GOLGA1: variants seen among roughly 807,000 people sequenced by gnomAD.
GOLGA1 encodes golgin subfamily A member 1.
A neutral mutation model predicts 119.7 loss-of-function variants in GOLGA1; 63 were observed. The observed-to-expected ratio is 0.53, with a 90% CI of 0.43 to 0.65. GOLGA1 has a LOEUF of 0.65. Ranked by LOEUF, GOLGA1 falls within the 30% of genes least tolerant of loss-of-function variation. The pLI, the probability that GOLGA1 is intolerant of heterozygous loss-of-function variation, is 0.00. For synonymous variants in GOLGA1, 318 were observed against 333.4 expected, an observed-to-expected ratio of 0.95 and a Z score of 0.50; for missense variants, 798 against 912.8, an observed-to-expected ratio of 0.87 and a Z score of 1.62.
chr9:124,917,874 C>T (rs764645810), intron 10 of GOLGA1, among the ~76,000 whole-genome samples: 14 of 151,632 alleles, frequency 9.2e-5, no homozygotes, highest in Non-Finnish European at 1.5e-4. Context: ...TTTTTTGAGA[C>T]GGAGTTTCGC....
rs185403871 is a variant in GOLGA1, at chr9:124,919,936, A to G, written c.843+1193T>C. On this transcript the variant is annotated intron_variant, in intron 10 of 22. Transcript: ENST00000373555. ...TGGGAAATACTACTTTATTTTATTT[A>G]TATTTATTTATTTATTTATTTATTT... 2.0e-5 allele frequency among the ~76,000 whole-genome samples: 3 copies of G among 151,614 alleles called. No individual in the cohort carries two copies. In the South Asian group the frequency reaches 6.2e-4, roughly 32 times the overall value.
In GOLGA1 at chr9:124,947,648, ATATACAAAAAG is replaced by A. The variant is rs1368241777; in HGVS notation, c.-156+259_-156+269del. 3.3e-5 allele frequency: 5 copies of A among 152,342 alleles called. No homozygotes were observed. In the East Asian group the frequency reaches 9.6e-4, roughly 29 times the overall value. The allele number at this position is 152,342 out of a possible 1,614,324, so 9.4% of individuals were successfully genotyped here. A position where few individuals can be genotyped will look rare whatever the true frequency, so the allele number is the denominator to read the frequency against. The stretch of plus-strand genomic sequence containing the variant: ...AATATATTTACAAATATGTATACAT[ATATACAAAAAG>A]TATACACAGAGATTGCATGTAGCAT... On this transcript the variant is annotated intron_variant, in intron 1 of 4. Transcript: ENST00000421514.
chr9:124,911,598 C>T (rs55977784), intron 11 of GOLGA1, among the ~76,000 whole-genome samples: 3,096 of 152,300 alleles, frequency 0.02, 47 homozygotes, highest in Non-Finnish European at 0.032. Context: ...GGGAAGAGGG[C>T]AGTGCAGAAA....
In GOLGA1 at chr9:124,894,031, T is replaced by C. The variant is rs534903715; in HGVS notation, c.1408-3553A>G. ...ATTCCCTACGACTCTACGGTGACTA[T>C]TCTTCCCAGCGTTGCCAACAAACTC... On this transcript the variant is annotated intron_variant, in intron 15 of 22. Coordinates refer to ENST00000373555, the MANE Select transcript of GOLGA1 (RefSeq NM_002077.4). 5.9e-5 allele frequency among the ~76,000 whole-genome samples: 9 copies of C among 152,348 alleles called. 1 individual carries two copies. Among genetic ancestry groups the C allele is most frequent in the African/African-American group, 2.2e-4 (9 of 41,580 alleles).
At position 124,917,856 on chromosome 9, in the gene GOLGA1, T is replaced by C. The variant is rs528536797; in HGVS notation, c.843+3273A>G. Among the ~76,000 whole-genome samples, 73 of 150,830 alleles carry C rather than the reference T, an allele frequency of 4.8e-4. 1 individual carries two copies. The highest frequency in any genetic ancestry group is 2.3e-3 in the South Asian group (11 of 4,726). ...AACTGGATCTGATCTGATATATATATATATTTTTTTTTTGAGACGGAGTTT... is the reference window on the plus strand; with the variant it reads ...AACTGGATCTGATCTGATATATATACATATTTTTTTTTTGAGACGGAGTTT... On this transcript the variant is annotated intron_variant, in intron 10 of 22. Coordinates refer to ENST00000373555, the MANE Select transcript of GOLGA1 (RefSeq NM_002077.4).
intron 3 of GOLGA1, among the ~76,000 whole-genome samples, chr9:124,932,512 C>T (rs1363834396): frequency 6.6e-6 from 1 of 152,266 alleles, no homozygotes; most frequent in South Asian, 2.1e-4. Flanking sequence ...CTTCTCTGTG[C>T]ACTGGTTTCC....
chr9:124,903,651 CAAAAAAAAAAA>C (rs11435294), intron 12 of GOLGA1, among the ~76,000 whole-genome samples: 4 of 91,282 alleles, frequency 4.4e-5, no homozygotes, highest in African/African-American at 1.3e-4. Flanking sequence ...AGAAAAAGAC[CAAAAAAAAAAA>C]AAAAAAAAAA....
chr9:124,906,801 T>C (rs1445395086), intron 12 of GOLGA1, among the ~76,000 whole-genome samples: 1 of 152,140 alleles, frequency 6.6e-6, no homozygotes, highest in Non-Finnish European at 1.5e-5. Flanking sequence ...CTCTAAAGTT[T>C]CTAGGAATTA....
Position 124,927,028 on chromosome 9 carries a change from G to T in GOLGA1, c.400-287C>A, listed in dbSNP as rs553831147. On this transcript the variant is annotated intron_variant, in intron 6 of 22. Coordinates refer to ENST00000373555, the MANE Select transcript of GOLGA1 (RefSeq NM_002077.4). ...GCACCCAAGAAAAGCTGTATCTGCT[G>T]TTCTGATGCAGCTTTTTGGCTTGTT... Among the ~76,000 whole-genome samples the T allele has an allele frequency of 3.9e-5, 6 of 152,258 alleles. No individual in the cohort carries two copies. The South Asian group carries it at 1.2e-3, about 32-fold the overall frequency.
At chr9:124,941,584 C>T (rs967928367), upstream of GOLGA1, among the ~76,000 whole-genome samples, 7 of 152,358 alleles carry the variant, frequency 4.6e-5, no homozygotes, top group Admixed American at 4.6e-4. Flanking sequence ...AGTCCTGGGA[C>T]CTTACACCTT....
intron 9 of GOLGA1, 108 bp from the exon 10 acceptor site, chr9:124,921,348 T>C (rs1830565941): frequency 1.4e-6 from 1 of 726,188 alleles, no homozygotes. Context: ...GCTACAAGCA[T>C]CATTAGCCAC....
At position 124,895,381 on chromosome 9, in the gene GOLGA1, C is replaced by A. The variant is rs1254669679; in HGVS notation, c.1407+3168G>T. On this transcript the variant is annotated intron_variant, in intron 15 of 22. Transcript: ENST00000373555. ...ACAACAGACTCTCCACAACAGAGAA[C>A]CCTCCACAACAGAGACTCTCCACAA... Among the ~76,000 whole-genome samples the A allele has an allele frequency of 3.5e-5, 5 of 144,490 alleles. No homozygotes were observed. The South Asian group carries it at 1.1e-3, about 32-fold the overall frequency. 94.8% of individuals were successfully genotyped at this position (144,490 alleles called of 152,430 possible).
At chr9:124,932,428 T>C (rs558956789) in intron 3 of GOLGA1, among the ~76,000 whole-genome samples, 35 of 152,338 alleles carry the variant, frequency 2.3e-4, no homozygotes, top group African/African-American at 8.2e-4. Context: ...GGAGAGTCTC[T>C]GGTGTCAGAA....
At chr9:124,930,703 G>A (rs1178477482) in intron 4 of GOLGA1, among the ~76,000 whole-genome samples, 1 of 152,228 alleles carries the variant, frequency 6.6e-6, no homozygotes, top group Non-Finnish European at 1.5e-5. Context: ...CTTTCCAAAT[G>A]TATCCACTGG....
At position 124,898,651 on chromosome 9, in the gene GOLGA1, A is replaced by G; in HGVS notation, c.1312-7T>C. 1 of 1,551,538 alleles carries G rather than the reference A, an allele frequency of 6.4e-7. No homozygotes were observed. Among genetic ancestry groups the G allele is most frequent in the Non-Finnish European group, 8.9e-7 (1 of 1,123,786 alleles). Reference sequence around the variant, plus strand: ...TTTCTTGCTCCAGTTGTCTCTGCCAATTCAGAAGAACACATATAAAAGAAG... The same window carrying G: ...TTTCTTGCTCCAGTTGTCTCTGCCAGTTCAGAAGAACACATATAAAAGAAG... On this transcript the variant is annotated splice_polypyrimidine_tract_variant and splice_region_variant and intron_variant, in intron 14 of 22. Transcript: ENST00000373555.
upstream of GOLGA1, among the ~76,000 whole-genome samples, chr9:124,941,463 G>GC (rs911706869): frequency 2.6e-4 from 40 of 152,100 alleles, no homozygotes; most frequent in African/African-American, 9.2e-4. Context: ...TTGGCCAGGC[G>GC]CCCCCCCGCG....
intron 10 of GOLGA1, among the ~76,000 whole-genome samples, chr9:124,913,508 T>C (rs781057453): frequency 2.6e-5 from 4 of 152,204 alleles, no homozygotes; most frequent in Admixed American, 6.5e-5. Flanking sequence ...CAGTTGTAAC[T>C]TGGCCGATCT....
intron 12 of GOLGA1, among the ~76,000 whole-genome samples, chr9:124,907,504 T>C (rs912929025): frequency 2.0e-5 from 3 of 152,146 alleles, no homozygotes; most frequent in Non-Finnish European, 4.4e-5. Flanking sequence ...AGAAAGTCTA[T>C]TCAACAAAGG....
intron 12 of GOLGA1, among the ~76,000 whole-genome samples, chr9:124,900,832 T>C (rs1204894672): frequency 6.6e-6 from 1 of 152,188 alleles, no homozygotes; most frequent in Non-Finnish European, 1.5e-5. Flanking sequence ...TCTGTCTCCA[T>C]GTAATCTTTA....
Sources: gnomAD v4.1 joint callset for allele counts (sites outside exome capture counted in the v4.1 genomes callset) on GRCh38, gnomAD v4.1.1 for gene constraint, MANE v1.5 for transcripts, NCBI Gene and HGNC (gene_info 2026-07-23, HGNC 2026-07-21) for gene names.